Variants in ZZEF1 observed in about 807,000 individuals in gnomAD.
ZZEF1 encodes the protein zinc finger ZZ-type and EF-hand domain-containing protein 1.
A neutral mutation model predicts 342.8 loss-of-function variants in ZZEF1; 157 were observed. The observed-to-expected ratio is 0.46, with a 90% CI of 0.40 to 0.52. The LOEUF (loss-of-function observed/expected upper bound fraction) is 0.52, where lower values mean the gene tolerates loss of function less well. Ranked by LOEUF, ZZEF1 falls within the 20% of genes least tolerant of loss-of-function variation. ZZEF1 has a pLI of 0.00. For synonymous variants in ZZEF1, 1,505 were observed against 1,429.1 expected (o/e 1.05, Z -1.20); for missense variants, 3,480 against 3,725.6 (o/e 0.93, Z 1.72).
At position 4,050,938 on chromosome 17, in the gene ZZEF1, G is replaced by C. The variant is rs1246896052; in HGVS notation, c.5706C>G (p.Leu1902=). The C allele has an allele frequency of 1.2e-6, 2 of 1,614,242 alleles. No homozygotes were observed. Among genetic ancestry groups the C allele is most frequent in the Admixed American group, 1.7e-5 (1 of 60,036 alleles). Residue 1902 remains leucine, a synonymous_variant, in exon 36 of 55, where the codon CTC becomes CTG. Coordinates refer to ENST00000381638, the MANE Select transcript of ZZEF1 (RefSeq NM_015113.4). ...QPYIHNYSWL[L]FAALALYSAH... ...CGCTATAGAGAGCCAGGGCAGCAAA[G>C]AGCAGCCAGGAGTAGTTATGGATAT...
chr17:4,102,477 G>T, intron 8 of ZZEF1, 62 bp from the exon 9 acceptor site: 1 of 1,378,960 alleles, frequency 7.3e-7, no homozygotes, highest in African/African-American at 1.4e-5. Context: ...AAACTAGCAT[G>T]CCTATCTGTG....
intron 1 of ZZEF1, among the ~76,000 whole-genome samples, chr17:4,125,626 A>G (rs1368089751): frequency 1.3e-5 from 2 of 152,358 alleles, no homozygotes; most frequent in South Asian, 2.1e-4. Context: ...TCAAAAGGAG[A>G]GCAGGTATTA....
At chr17:4,051,180 T>C in intron 35 of ZZEF1, 137 bp from the exon 36 acceptor site, 1 of 1,136,404 alleles carries the variant, frequency 8.8e-7, no homozygotes, top group Non-Finnish European at 1.3e-6. Context: ...ACTGAAAATG[T>C]AAAGAAAGGT....
rs1198313714 is a variant in ZZEF1, at chr17:4,095,891, T to C, written c.1853A>G (p.Lys618Arg). 6.2e-7 allele frequency: 1 copy of C among 1,613,784 alleles called. No individual in the cohort carries two copies. Among genetic ancestry groups the C allele is most frequent in the African/African-American group, 1.3e-5 (1 of 74,934 alleles). The change falls in exon 11 of 55, where the codon AAA becomes AGA. Residue 618 changes from lysine to arginine, a missense_variant. Lys to Arg is a conservative substitution (Grantham distance 26). Transcript: ENST00000381638. ...SDKFCAEEHF[K>R]RFEKYDKWKL... ...CCATTTGTCATATTTTTCAAACCTT[T>C]TGAAGTGTTCTTCCGCACAAAATTT...
At position 4,105,706 on chromosome 17, in the gene ZZEF1, T is replaced by A; in HGVS notation, c.1381A>T (p.Ile461Leu). The change falls in exon 7 of 55, where the codon ATA becomes TTA. Residue 461 changes from isoleucine to leucine, a missense_variant. Physicochemically the swap from Ile to Leu is conservative, Grantham distance 5. This residue lies in a region of ZZEF1 where 1,528 missense variants were observed against 1,624.1 expected (regional missense o/e 0.94). Transcript: ENST00000381638. ...CCTTGATTTTACCTAGTTATCCTTA[T>A]GAGGAAACTGTCCACTTCTTCCAGC... ...NVLEEVDSFL[I>L]RITSCCSTPE... 1 of 1,612,710 alleles carries A rather than the reference T, an allele frequency of 6.2e-7. No individual in the cohort carries two copies. The highest frequency in any genetic ancestry group is 1.1e-5 in the South Asian group (1 of 90,910).
At chr17:4,074,874 C>T (rs901008608) in intron 23 of ZZEF1, among the ~76,000 whole-genome samples, 1 of 152,250 alleles carries the variant, frequency 6.6e-6, no homozygotes, top group Non-Finnish European at 1.5e-5. Context: ...AGTGCCAAAG[C>T]AGCTATAAAT....
At chr17:4,122,094 G>A (rs1184946174) in intron 2 of ZZEF1, among the ~76,000 whole-genome samples, 1 of 146,602 alleles carries the variant, frequency 6.8e-6, no homozygotes, top group Non-Finnish European at 1.5e-5. Context: ...GAGTAAGCTA[G>A]AGGGTCAAGA....
chr17:4,132,399 G>A (rs1348215766), intron 1 of ZZEF1, among the ~76,000 whole-genome samples: 4 of 151,118 alleles, frequency 2.6e-5, no homozygotes, highest in African/African-American at 7.4e-5. Flanking sequence ...GGCCAGGCTA[G>A]TCTCAAACTC....
Position 4,054,125 on chromosome 17 carries a change from A to G in ZZEF1, c.5366T>C (p.Ile1789Thr), listed in dbSNP as rs1302749008. The G allele has an allele frequency of 6.2e-7, 1 of 1,613,854 alleles. No homozygotes were observed. The highest frequency in any genetic ancestry group is 8.5e-7 in the Non-Finnish European group (1 of 1,179,860). ...VDISCDGCDE[I>T]APWHRYRCLQ... ...ACAGCGGTATCGATGCCAGGGGGCA[A>G]TCTCATCACACCCATCACAAGAGAT... The change falls in exon 34 of 55, where the codon ATT becomes ACT. Residue 1789 changes from isoleucine (I) to threonine (T), a missense_variant. Physicochemically the swap from Ile to Thr is moderately conservative, Grantham distance 89 (BLOSUM62 -1). Around this residue, in one of 5 missense-constraint regions of ZZEF1, gnomAD observed 175 missense variants for 254.6 expected, o/e 0.69. Coordinates refer to ENST00000381638, the MANE Select transcript of ZZEF1 (RefSeq NM_015113.4).
intron 40 of ZZEF1, chr17:4,033,639 G>A (rs1196513568): frequency 3.4e-5 from 8 of 237,344 alleles, no homozygotes; most frequent in East Asian, 2.1e-4. Flanking sequence ...GTGAGCCACC[G>A]TGCCCAGCTT....
rs371534176 is a variant in ZZEF1 at position 4,142,520 on chromosome 17, G to A, written c.354+22C>T. 2.2e-5 allele frequency: 35 copies of A among 1,585,164 alleles called. No homozygotes were observed. The African/African-American group carries it at 4.1e-4, about 18-fold the overall frequency. ...GGGGCGACCGCCCTGCCCCATCCCC[G>A]CAGTCGCCTGCCGGCCCTGACCTCC... On this transcript the variant is annotated intron_variant, in intron 1 of 54. Transcript: ENST00000381638.
chr17:4,068,857 T>C (rs900793688), intron 26 of ZZEF1, among the ~76,000 whole-genome samples: 6 of 152,192 alleles, frequency 3.9e-5, no homozygotes, highest in African/African-American at 1.2e-4. Context: ...GAGTGACTAA[T>C]TTTTAGACAA....
At chr17:4,020,749 T>TATC (rs1256898512) in intron 45 of ZZEF1, among the ~76,000 whole-genome samples, 2 of 152,248 alleles carry the variant, frequency 1.3e-5, no homozygotes, top group African/African-American at 4.8e-5. Flanking sequence ...AAGAATAGAT[T>TATC]ACCTAGTAAA....
rs2057106134 is a variant in ZZEF1 at position 4,054,076 on chromosome 17, G to A, written c.5415C>T (p.Leu1805=). The A allele has an allele frequency of 1.2e-6, 2 of 1,612,576 alleles. No individual in the cohort carries two copies. Among genetic ancestry groups the A allele is most frequent in the Non-Finnish European group, 1.7e-6 (2 of 1,179,216 alleles). ...ATTTACCTAGGAAGCAAGTTTTGCA[G>A]AGATCCATGTCGCTGCACTGCAGAC... ...YRCLQCSDMD[L]CKTCFLGGVK... The change falls in exon 34 of 55, where the codon CTC becomes CTT. Residue 1805 remains leucine (L), a synonymous_variant. Transcript: ENST00000381638.
At position 4,016,628 on chromosome 17, in the gene ZZEF1, C is replaced by G. The variant is rs991005082; in HGVS notation, c.8002-162G>C. On this transcript the variant is annotated intron_variant, in intron 48 of 54. Coordinates refer to ENST00000381638, the MANE Select transcript of ZZEF1 (RefSeq NM_015113.4). The surrounding 1 kb of genome is among the most constrained non-coding windows in gnomAD (Gnocchi z 4.4). ...CCAAAACCAACTCCACCAGCCACCTCTCACTTGACCAGGCTCTTGGTGTCA... is the reference window on the plus strand; with the variant it reads ...CCAAAACCAACTCCACCAGCCACCTGTCACTTGACCAGGCTCTTGGTGTCA... 5.8e-5 allele frequency: 40 copies of G among 684,206 alleles called. No homozygotes were observed. Among genetic ancestry groups the G allele is most frequent in the Middle Eastern group, 3.0e-4 (1 of 3,292 alleles). 42.4% of individuals were successfully genotyped at this position (684,206 alleles called of 1,614,324 possible).
rs146161487 is a variant in ZZEF1, at chr17:4,095,468, T to G, written c.1913+363A>C. ...ACCTAGCATCAGGCCTGGCACACAG[T>G]AGGTACTTAATAAGTATTTGTGTTA... On this transcript the variant is annotated intron_variant, in intron 11 of 54. Transcript: ENST00000381638. Among the ~76,000 whole-genome samples, 15 of 152,232 alleles carry G rather than the reference T, an allele frequency of 9.9e-5. No homozygotes were observed. In the East Asian group the frequency reaches 2.9e-3, roughly 29 times the overall value.
At position 4,104,839 on chromosome 17, in the gene ZZEF1, C is replaced by T. The variant is rs766999606; in HGVS notation, c.1395-28G>A. On this transcript the variant is annotated intron_variant, in intron 7 of 54. Coordinates refer to ENST00000381638, the MANE Select transcript of ZZEF1 (RefSeq NM_015113.4). ...ATAAGCAAAGAGCAAAAACTTTTCA[C>T]TTCTTAAAAACATGAAAAAATCCAG... 3.1e-6 allele frequency: 5 copies of T among 1,599,678 alleles called. 1 individual carries two copies. Among genetic ancestry groups the T allele is most frequent in the Admixed American group, 3.5e-5 (2 of 56,950 alleles).
chr17:4,109,592 A>G (rs1171972257), intron 6 of ZZEF1, 61 bp downstream of exon 6: 2 of 1,556,076 alleles, frequency 1.3e-6, no homozygotes, highest in Non-Finnish European at 1.8e-6. Context: ...GATACGCCCT[A>G]AAGGATGATG....
At chr17:4,068,050 C>T (rs1381895132) in intron 26 of ZZEF1, among the ~76,000 whole-genome samples, 1 of 152,058 alleles carries the variant, frequency 6.6e-6, no homozygotes, top group Non-Finnish European at 1.5e-5. Context: ...TGCACTCTAG[C>T]CTAGGCAACA....
Sources: allele counts gnomAD v4.1 joint callset (sites outside exome capture counted in the v4.1 genomes callset), GRCh38; gene constraint gnomAD v4.1.1; regional missense constraint gnomAD v4.1.1; non-coding constraint Gnocchi (gnomAD v3.1); transcripts MANE v1.5; gene names NCBI Gene and HGNC (gene_info 2026-07-23, HGNC 2026-07-21).